Variants in SHC2 observed in about 807,000 individuals in gnomAD.
SHC2 encodes the protein SHC adaptor protein 2.
In SHC2, 62 loss-of-function variants were observed where a neutral mutation model predicts 60.6. The observed-to-expected ratio is 1.02, with a 90% CI of 0.83 to 1.26. The LOEUF (loss-of-function observed/expected upper bound fraction) is 1.26. Ranked by LOEUF, SHC2 falls within the 50% of genes most tolerant of loss-of-function variation. The pLI is 0.00. For synonymous variants in SHC2, 375 were observed against 372.4 expected, an observed-to-expected ratio of 1.01 and a Z score of -0.08; for missense variants, 873 against 822.2, an observed-to-expected ratio of 1.06 and a Z score of -0.76.
intron 1 of SHC2, among the ~76,000 whole-genome samples, chr19:458,673 G>A (rs1439584493): frequency 2.7e-5 from 3 of 113,118 alleles, no homozygotes; most frequent in Admixed American, 8.3e-5. Context: ...AGTGGGTTCC[G>A]GGGGAGGGGG....
intron 9 of SHC2, among the ~76,000 whole-genome samples, chr19:429,633 G>C (rs1974516360): frequency 8.4e-6 from 1 of 119,414 alleles, no homozygotes; most frequent in African/African-American, 3.3e-5. Flanking sequence ...GGATGACACA[G>C]TACCTATACC....
intron 1 of SHC2, among the ~76,000 whole-genome samples, chr19:443,878 GTAGGTGGA>G (rs1162224982): frequency 8.0e-6 from 1 of 125,492 alleles, no homozygotes; most frequent in Non-Finnish European, 1.7e-5. Context: ...GGATGGATGT[GTAGGTGGA>G]TGGGTGGGTG....
At chr19:455,597 G>A (rs369764076) in intron 1 of SHC2, among the ~76,000 whole-genome samples, 8 of 152,194 alleles carry the variant, frequency 5.3e-5, no homozygotes, top group East Asian at 3.8e-4. Context: ...CGGCTGAGTC[G>A]CCCGGCCCAT....
In SHC2 at chr19:422,180, G is replaced by A. The variant is rs755108081; in HGVS notation, c.1586C>T (p.Pro529Leu). 6 of 1,612,230 alleles carry A rather than the reference G, an allele frequency of 3.7e-6. No homozygotes were observed. Among genetic ancestry groups the A allele is most frequent in the South Asian group, 2.2e-5 (2 of 90,874 alleles). ...YVLTGMHAGQ[P>L]KHLLLVDPEG... The stretch of plus-strand genomic sequence containing the variant: ...GGGGTCCACGAGCAGCAGGTGCTTG[G>A]GCTGCCCGGCGTGCATGCCGGTGAG... Residue 529 changes from proline to leucine, a missense_variant, in exon 11 of 13, where the codon CCC (proline) becomes CTC (leucine). Physicochemically the swap from Pro to Leu is moderately conservative, Grantham distance 98. Transcript: ENST00000264554. The surrounding 1 kb of genome is among the most constrained non-coding windows in gnomAD (Gnocchi z 5.0).
chr19:443,026 G>GAT (rs1974944229), intron 1 of SHC2, among the ~76,000 whole-genome samples: 2 of 147,818 alleles, frequency 1.4e-5, no homozygotes, highest in African/African-American at 5.0e-5. Flanking sequence ...TGGGTGGGTG[G>GAT]GTGGATGAAT....
chr19:448,198 AG>A (rs992598281), intron 1 of SHC2, among the ~76,000 whole-genome samples: 1 of 152,234 alleles, frequency 6.6e-6, no homozygotes, highest in Non-Finnish European at 1.5e-5. Flanking sequence ...GGGGGAGAAA[AG>A]TCACCTTCAC....
rs951401173 is a variant in SHC2 at position 438,410 on chromosome 19, T to C, written c.720+308A>G. 2.6e-5 allele frequency among the ~76,000 whole-genome samples: 4 copies of C among 152,196 alleles called. No individual in the cohort carries two copies. Among genetic ancestry groups the C allele is most frequent in the African/African-American group, 9.6e-5 (4 of 41,452 alleles). On this transcript the variant is annotated intron_variant, in intron 4 of 12. Transcript: ENST00000264554. The surrounding 1 kb of genome is among the most constrained non-coding windows in gnomAD (Gnocchi z 5.0). ...CGCCCCTCCCCAGGCACTGTGGATG[T>C]TGGGACGGACCACTCTCTGGGGTGG...
chr19:436,464 TG>T, intron 5 of SHC2, 33 bp from the exon 6 acceptor site: 2 of 1,602,078 alleles, frequency 1.2e-6, no homozygotes, highest in Non-Finnish European at 1.7e-6. Flanking sequence ...TGGACCTGCC[TG>T]GGCCCCCCAC....
chr19:436,649 AAGG>A lies in SHC2; in HGVS notation c.752_754del (p.Ser251del), dbSNP rs1327445923. On this transcript the variant is annotated inframe_deletion, in exon 5 of 13. Coordinates refer to ENST00000264554, the MANE Select transcript of SHC2 (RefSeq NM_012435.3). ...CCTCACCGTGTCTCCGCCTGACGCG[AAGG>A]AGATGGACGGCATGTGGTGGTTGGC... The A allele has an allele frequency of 1.9e-6, 3 of 1,607,534 alleles. No individual in the cohort carries two copies. The African/African-American group carries it at 4.0e-5, about 21-fold the overall frequency.
chr19:445,255 G>A lies in SHC2; in HGVS notation c.469-4323C>T, dbSNP rs971264162. Among the ~76,000 whole-genome samples the A allele has an allele frequency of 6.6e-6, 1 of 152,176 alleles. No homozygotes were observed. The highest frequency in any genetic ancestry group is 1.5e-5 in the Non-Finnish European group (1 of 68,028). ...TAAAGGTGGGCCTTTGGGAGGTGAG[G>A]AGGCTATGAGGGCTCCACCCTCAGG... On this transcript the variant is annotated intron_variant, in intron 1 of 12. Coordinates refer to ENST00000264554, the MANE Select transcript of SHC2 (RefSeq NM_012435.3). This position sits in a 1 kb window ranked among gnomAD's most constrained non-coding sequence, Gnocchi z 4.4.
intron 9 of SHC2, among the ~76,000 whole-genome samples, chr19:429,206 C>T (rs1313728073): frequency 6.7e-6 from 1 of 149,042 alleles, no homozygotes; most frequent in African/African-American, 2.5e-5. Flanking sequence ...CTATATCCAA[C>T]ATGCAGAGAA....
chr19:421,412 A>G (rs556724109), intron 11 of SHC2, among the ~76,000 whole-genome samples: 33 of 144,674 alleles, frequency 2.3e-4, no homozygotes, highest in South Asian at 2.1e-3. Flanking sequence ...AAAAAAAAAA[A>G]AAAAGAAAAG....
intron 1 of SHC2, among the ~76,000 whole-genome samples, chr19:459,968 T>C (rs1483596822): frequency 6.6e-6 from 1 of 152,190 alleles, no homozygotes; most frequent in African/African-American, 2.4e-5. Context: ...AGGCGTGCTG[T>C]GTCCAGGCGC....
chr19:452,736 C>T (rs1975230894), intron 1 of SHC2, among the ~76,000 whole-genome samples: 1 of 152,212 alleles, frequency 6.6e-6, no homozygotes, highest in Non-Finnish European at 1.5e-5. Flanking sequence ...AGGACGGCCA[C>T]ACGCAGCTGC....
At position 434,174 on chromosome 19, in the gene SHC2, T is replaced by G. The variant is rs560585281; in HGVS notation, c.1110+535A>C. On this transcript the variant is annotated intron_variant, in intron 8 of 12. Transcript: ENST00000264554. ...CGTGAGTGAGATAGTGAGTGAGAGA[T>G]AGAGGAGGCCGGGCAGATACACGGC... Among the ~76,000 whole-genome samples the G allele has an allele frequency of 5.3e-4, 58 of 109,158 alleles. 1 individual carries two copies. Among genetic ancestry groups the G allele is most frequent in the South Asian group, 9.4e-4 (3 of 3,206 alleles). 71.6% of individuals were successfully genotyped at this position (109,158 alleles called of 152,430 possible).
chr19:430,811 C>T, intron 8 of SHC2, 64 bp from the exon 9 acceptor site: 1 of 1,491,348 alleles, frequency 6.7e-7, no homozygotes, highest in South Asian at 1.2e-5. Context: ...CTCTGGACCC[C>T]CAGTCTCCCC....
chr19:434,923 T>A (rs1974682215), intron 7 of SHC2, 58 bp from the exon 8 acceptor site: 1 of 1,538,996 alleles, frequency 6.5e-7, no homozygotes, highest in South Asian at 1.2e-5. Flanking sequence ...GCTAAAGCCT[T>A]ACGGCTTGAG....
At chr19:458,514 A>T in intron 1 of SHC2, among the ~76,000 whole-genome samples, 1 of 136,434 alleles carries the variant, frequency 7.3e-6, no homozygotes, top group African/African-American at 2.8e-5. Context: ...GGGGAGGCGG[A>T]AGCGGGTCCT....
At position 439,328 on chromosome 19, in the gene SHC2, G is replaced by C; in HGVS notation, c.540-298C>G. The C allele has an allele frequency of 1.2e-5, 6 of 496,288 alleles. No individual in the cohort carries two copies. In the South Asian group the frequency reaches 1.5e-4, roughly 12 times the overall value. The allele number at this position is 496,288 out of a possible 1,614,324, so 30.7% of individuals were successfully genotyped here. On this transcript the variant is annotated intron_variant, in intron 2 of 12. Transcript: ENST00000264554. The stretch of plus-strand genomic sequence containing the variant: ...CGGCAGAGGCCCGGCCCCCAGCTCT[G>C]GCCCCTCTACCACCCTCTTTCCCAG...
Sources: allele counts gnomAD v4.1 joint callset (sites outside exome capture counted in the v4.1 genomes callset), GRCh38; gene constraint gnomAD v4.1.1; non-coding constraint Gnocchi (gnomAD v3.1); transcripts MANE v1.5; gene names NCBI Gene and HGNC (gene_info 2026-07-23, HGNC 2026-07-21).